KIF26B: variants seen among roughly 807,000 people sequenced by gnomAD.
The protein encoded by KIF26B is kinesin family member 26B.
In KIF26B, 63 loss-of-function variants were observed where a neutral mutation model predicts 151.2. That is an observed-to-expected ratio of 0.42 (90% CI 0.34 to 0.51). The LOEUF (loss-of-function observed/expected upper bound fraction) is 0.51, where lower values mean the gene tolerates loss of function less well. KIF26B is among the 20% of genes least tolerant of loss of function. The probability of loss-of-function intolerance (pLI) is 0.07; values close to 1 mark genes in which losing one functional copy is unlikely to be tolerated. For missense variants in KIF26B, 2,813 were observed against 2,913.6 expected (o/e 0.97, Z 0.79); for synonymous variants, 1,357 against 1,262.1 (o/e 1.08, Z -1.59).
chr1:245,674,218 C>T (rs966330393), intron 10 of KIF26B, among the ~76,000 whole-genome samples: 1 of 152,116 alleles, frequency 6.6e-6, no homozygotes, highest in Non-Finnish European at 1.5e-5. Context: ...GTTGCAAAGG[C>T]TCTGTGAAAA....
chr1:245,180,899 G>A (rs889005413), intron 2 of KIF26B, among the ~76,000 whole-genome samples: 1 of 152,022 alleles, frequency 6.6e-6, no homozygotes, highest in Admixed American at 6.6e-5. Context: ...GCTGTGAAAC[G>A]ATCACAGTCC....
rs1312649455 is a variant in KIF26B at position 245,563,200 on chromosome 1, TC to T, written c.1350+22253del. ...GCGTTAAATGCCAGTCAGTGTCTCT[TC>T]CCAAAGACCCCCACTGAACCCATCA... On this transcript the variant is annotated intron_variant, in intron 5 of 14. Transcript: ENST00000407071. The surrounding 1 kb of genome is among the most constrained non-coding windows in gnomAD (Gnocchi z 4.6). Among the ~76,000 whole-genome samples the T allele has an allele frequency of 6.6e-6, 1 of 152,154 alleles. No homozygotes were observed. Among genetic ancestry groups the T allele is most frequent in the African/African-American group, 2.4e-5 (1 of 41,424 alleles).
At chr1:245,163,747 T>G (rs1273810808) in intron 2 of KIF26B, among the ~76,000 whole-genome samples, 1 of 152,222 alleles carries the variant, frequency 6.6e-6, no homozygotes, top group Non-Finnish European at 1.5e-5. Context: ...TTAGGTATTA[T>G]AGCTTTTGTT....
rs1558387359 is a variant in KIF26B at position 245,318,883 on chromosome 1, A to AG, written c.466-47949dup. Among the ~76,000 whole-genome samples, 1 of 87,900 alleles carries AG rather than the reference A, an allele frequency of 1.1e-5. No individual in the cohort carries two copies. The highest frequency in any genetic ancestry group is 2.2e-5 in the Non-Finnish European group (1 of 46,284). 57.7% of individuals were successfully genotyped at this position (87,900 alleles called of 152,430 possible). On this transcript the variant is annotated intron_variant, in intron 2 of 14. Coordinates refer to ENST00000407071, the MANE Select transcript of KIF26B (RefSeq NM_018012.4). The surrounding 1 kb of genome is among the most constrained non-coding windows in gnomAD (Gnocchi z 4.0). ...AAATCAGCCTGAGCCAAGATTGATG[A>AG]GGAAAAAAAAACAAAAACCAAAATC...
chr1:245,355,635 A>T (rs538846637), intron 2 of KIF26B, among the ~76,000 whole-genome samples: 22 of 152,080 alleles, frequency 1.4e-4, no homozygotes, highest in Middle Eastern at 3.4e-3. Context: ...GAAAGAATTT[A>T]AAAAACTTAC....
intron 11 of KIF26B, 80 bp downstream of exon 11, chr1:245,684,475 A>C: frequency 7.2e-7 from 1 of 1,390,190 alleles, no homozygotes; most frequent in Admixed American, 2.4e-5. Context: ...AGAAAAAGCC[A>C]AATCAACGTT....
At position 245,515,440 on chromosome 1, in the gene KIF26B, C is replaced by T. The variant is rs941142056; in HGVS notation, c.1167-25327C>T. 3.3e-5 allele frequency among the ~76,000 whole-genome samples: 5 copies of T among 152,196 alleles called. No homozygotes were observed. In the East Asian group the frequency reaches 7.8e-4, roughly 24 times the overall value. The stretch of plus-strand genomic sequence containing the variant: ...CAGCACTCAATGAATGTTTCCCGAA[C>T]GGATACGTAAATGACAGAAGGAATG... On this transcript the variant is annotated intron_variant, in intron 4 of 14. Coordinates refer to ENST00000407071, the MANE Select transcript of KIF26B (RefSeq NM_018012.4).
chr1:245,334,861 T>G (rs1198079639), intron 2 of KIF26B, among the ~76,000 whole-genome samples: 1 of 152,056 alleles, frequency 6.6e-6, no homozygotes, highest in Non-Finnish European at 1.5e-5. Context: ...TGCCGTTCCA[T>G]TTTCATAGAT....
Position 245,336,053 on chromosome 1 carries a change from GGGAAA to G in KIF26B, c.466-30777_466-30773del, listed in dbSNP as rs67287868. ...CGCAGGGAAAGGAGGGTCCCACGCA[GGGAAA>G]GGAGAGTCCCACGCAGGGAAAGGAG... On this transcript the variant is annotated intron_variant, in intron 2 of 14. Coordinates refer to ENST00000407071, the MANE Select transcript of KIF26B (RefSeq NM_018012.4). 4.6e-3 allele frequency among the ~76,000 whole-genome samples: 486 copies of G among 105,486 alleles called. 22 individuals are homozygous for G. Among genetic ancestry groups the G allele is most frequent in the East Asian group, 0.015 (44 of 3,002 alleles). The allele number at this position is 105,486 out of a possible 152,430, so 69.2% of individuals were successfully genotyped here.
At chr1:245,646,360 G>T (rs1348865016) in intron 10 of KIF26B, 80 bp downstream of exon 10, 2 of 1,457,076 alleles carry the variant, frequency 1.4e-6, no homozygotes, top group Non-Finnish European at 1.9e-6. Context: ...CTGTGGAGAG[G>T]TGTGCCACAG....
Position 245,685,852 on chromosome 1 carries a change from G to C in KIF26B, c.2869G>C (p.Glu957Gln), listed in dbSNP as rs763898866. 18 of 1,612,616 alleles carry C rather than the reference G, an allele frequency of 1.1e-5. No homozygotes were observed. Among genetic ancestry groups the C allele is most frequent in the Non-Finnish European group, 1.4e-5 (17 of 1,179,788 alleles). Reference sequence around the variant, plus strand: ...AGAACTGCCTGCTCAGTTTGGGCCAGAGCAGGCAAGCAGAGGCCCCCGGTT... The same window carrying C: ...AGAACTGCCTGCTCAGTTTGGGCCACAGCAGGCAAGCAGAGGCCCCCGGTT... ...FEELPAQFGP[E>Q]QASRGPRLSQ... Residue 957 changes from glutamate to glutamine, a missense_variant, in exon 12 of 15, where the codon GAG (glutamate) becomes CAG (glutamine). Coordinates refer to ENST00000407071, the MANE Select transcript of KIF26B (RefSeq NM_018012.4).
At chr1:245,299,718 CGGGG>C (rs1671397643) in intron 2 of KIF26B, among the ~76,000 whole-genome samples, 1 of 152,148 alleles carries the variant, frequency 6.6e-6, no homozygotes, top group Admixed American at 6.5e-5. Context: ...AGCTTATCTG[CGGGG>C]TCCACATCCA....
At chr1:245,520,551 T>C (rs1297475952) in intron 4 of KIF26B, among the ~76,000 whole-genome samples, 1 of 149,766 alleles carries the variant, frequency 6.7e-6, no homozygotes, top group Non-Finnish European at 1.5e-5. Flanking sequence ...CACCCATTCA[T>C]CCATCCATCC....
intron 9 of KIF26B, among the ~76,000 whole-genome samples, chr1:245,619,206 T>C (rs1270289418): frequency 6.0e-4 from 81 of 134,732 alleles, no homozygotes; most frequent in African/African-American, 2.1e-3. Flanking sequence ...GGGCTGTGTC[T>C]GCTGCGTGCT....
intron 3 of KIF26B, among the ~76,000 whole-genome samples, chr1:245,403,548 G>C (rs1054619223): frequency 1.3e-5 from 2 of 152,130 alleles, no homozygotes; most frequent in African/African-American, 4.8e-5. Context: ...GGGTGTGTGT[G>C]TGTGCGCGCG....
At chr1:245,257,115 A>G (rs144775035) in intron 2 of KIF26B, among the ~76,000 whole-genome samples, 4 of 152,254 alleles carry the variant, frequency 2.6e-5, no homozygotes, top group East Asian at 1.9e-4. Context: ...ACTCCCTTCT[A>G]TTGATTCCAG....
At chr1:245,307,750 T>A (rs921660844) in intron 2 of KIF26B, among the ~76,000 whole-genome samples, 7 of 151,672 alleles carry the variant, frequency 4.6e-5, no homozygotes, top group Admixed American at 1.3e-4. Flanking sequence ...CTCTTTTTTT[T>A]TTTTTTTTGA....
intron 4 of KIF26B, among the ~76,000 whole-genome samples, chr1:245,521,106 G>T: frequency 6.6e-6 from 1 of 152,198 alleles, no homozygotes; most frequent in East Asian, 1.9e-4. Flanking sequence ...GGGAGGCCGA[G>T]GCGGGCGGAT....
chr1:245,701,489 T>TGTCA (rs1226574329), intron 14 of KIF26B, among the ~76,000 whole-genome samples: 1 of 152,160 alleles, frequency 6.6e-6, no homozygotes, highest in Non-Finnish European at 1.5e-5. Flanking sequence ...TGGTTAACTG[T>TGTCA]GTCAGCCTCA....
Sources: gnomAD v4.1 joint callset for allele counts (sites outside exome capture counted in the v4.1 genomes callset) on GRCh38, gnomAD v4.1.1 for gene constraint, Gnocchi (gnomAD v3.1) non-coding constraint, MANE v1.5 for transcripts, NCBI Gene and HGNC (gene_info 2026-07-23, HGNC 2026-07-21) for gene names.